The following FBXW8 variants were observed in gnomAD, a reference collection of about 807,000 sequenced individuals.
FBXW8 encodes F-box and WD repeat domain containing 8.
Under a neutral mutation model 65.3 loss-of-function variants are expected in FBXW8, and 57 were observed. The ratio of observed to expected loss-of-function variants is 0.87; its 90% CI spans 0.71 to 1.09. The LOEUF is 1.09. Among genes scored for constraint, FBXW8 ranks in the 50% least tolerant of loss-of-function variants. The pLI is 0.00. For synonymous variants in FBXW8, 308 were observed against 330.2 expected (o/e 0.93, Z 0.73); for missense variants, 777 against 814.8 (o/e 0.95, Z 0.57).
intron 4 of FBXW8, among the ~76,000 whole-genome samples, chr12:116,955,045 G>GGA (rs1883553753): frequency 6.6e-6 from 1 of 151,162 alleles, no homozygotes; most frequent in South Asian, 2.1e-4. Context: ...ATGGGGGGGG[G>GGA]GGGCCCTGTA....
In FBXW8 at chr12:117,028,264, A is replaced by T; in HGVS notation, c.*92A>T. The T allele has an allele frequency of 6.7e-7, 1 of 1,493,714 alleles. No individual in the cohort carries two copies. Among genetic ancestry groups the T allele is most frequent in the Admixed American group, 1.9e-5 (1 of 52,924 alleles). The allele number at this position is 1,493,714 out of a possible 1,614,324, so 92.5% of individuals were successfully genotyped here. ...AGGCACCTCTTCACAGGTGGTAAAC[A>T]TTTAGGGGAAGAAAGCAGCCCAGGG... On this transcript the variant is annotated 3_prime_UTR_variant, in exon 11 of 11. Transcript: ENST00000652555. This position sits in a 1 kb window ranked among gnomAD's most constrained non-coding sequence, Gnocchi z 4.1.
intron 6 of FBXW8, chr12:116,986,092 A>G (rs1308626401): frequency 2.0e-5 from 3 of 152,240 alleles, no homozygotes; most frequent in African/African-American, 7.2e-5. Flanking sequence ...AATTTAAACA[A>G]ACTTGATTTT....
chr12:117,027,955 CACAG>C, intron 10 of FBXW8, 69 bp from the exon 11 acceptor site: 2 of 1,596,046 alleles, frequency 1.3e-6, no homozygotes, highest in Non-Finnish European at 1.7e-6. Context: ...ACGCCTCCTG[CACAG>C]ACAGAAGCGG....
intron 7 of FBXW8, among the ~76,000 whole-genome samples, chr12:116,991,145 C>T (rs1953230553): frequency 6.6e-6 from 1 of 150,390 alleles, no homozygotes; most frequent in Non-Finnish European, 1.5e-5. Flanking sequence ...AGCATAGCAC[C>T]AACCCTCCAA....
intron 5 of FBXW8, chr12:116,977,402 C>T (rs979918327): frequency 1.3e-5 from 2 of 152,048 alleles, no homozygotes; most frequent in Non-Finnish European, 1.5e-5. Flanking sequence ...CACAAATTAA[C>T]GTATTTTTAC....
intron 3 of FBXW8, among the ~76,000 whole-genome samples, chr12:116,947,365 T>C (rs1040765758): frequency 2.6e-5 from 4 of 152,116 alleles, no homozygotes; most frequent in African/African-American, 9.7e-5. Flanking sequence ...AGGAGAATTC[T>C]AGGAGTGAAA....
At chr12:117,017,148 T>C (rs542717422) in intron 8 of FBXW8, among the ~76,000 whole-genome samples, 1 of 152,394 alleles carries the variant, frequency 6.6e-6, no homozygotes, top group South Asian at 2.1e-4. Flanking sequence ...GAAATACTCA[T>C]GACTTAGTTA....
intron 8 of FBXW8, among the ~76,000 whole-genome samples, chr12:117,018,469 C>T (rs1466482732): frequency 3.3e-5 from 5 of 152,318 alleles, no homozygotes; most frequent in African/African-American, 9.6e-5. Flanking sequence ...TGACGACGGG[C>T]TTTGCCAAGG....
chr12:116,938,624 G>A (rs1882327521), intron 2 of FBXW8, among the ~76,000 whole-genome samples: 1 of 152,190 alleles, frequency 6.6e-6, no homozygotes, highest in Admixed American at 6.5e-5. Flanking sequence ...CCATTGAAAA[G>A]TTTCCATTTT....
At chr12:117,008,194 C>T (rs1414292612) in intron 7 of FBXW8, among the ~76,000 whole-genome samples, 2 of 152,218 alleles carry the variant, frequency 1.3e-5, no homozygotes, top group South Asian at 2.1e-4. Context: ...CATCAACATT[C>T]TACCGACTTA....
At chr12:116,950,026 A>G (rs1883176866) in intron 4 of FBXW8, 1 of 287,660 alleles carries the variant, frequency 3.5e-6, no homozygotes, top group Non-Finnish European at 6.7e-6. Context: ...ATGAAGACAT[A>G]AAAAAGTCAA....
intron 2 of FBXW8, among the ~76,000 whole-genome samples, chr12:116,942,390 T>C (rs975399794): frequency 6.6e-6 from 1 of 150,804 alleles, no homozygotes; most frequent in Non-Finnish European, 1.5e-5. Flanking sequence ...TTTTTTTTTT[T>C]CCGAGACAGA....
chr12:116,916,483 C>T (rs542564516), intron 1 of FBXW8, among the ~76,000 whole-genome samples: 1 of 152,208 alleles, frequency 6.6e-6, no homozygotes, highest in Admixed American at 6.5e-5. Context: ...ATAACCACTG[C>T]CCCCATTAGC....
intron 2 of FBXW8, among the ~76,000 whole-genome samples, chr12:116,944,337 C>T (rs1169876539): frequency 6.6e-6 from 1 of 152,080 alleles, no homozygotes; most frequent in Non-Finnish European, 1.5e-5. Context: ...CAAACTAACT[C>T]TCTGTCAGTG....
Position 116,936,807 on chromosome 12 carries a change from GAGGACTC to G in FBXW8, c.424-8552_424-8546del, listed in dbSNP as rs1196935649. 6.6e-6 allele frequency among the ~76,000 whole-genome samples: 1 copy of G among 152,158 alleles called. No homozygotes were observed. Among genetic ancestry groups the G allele is most frequent in the African/African-American group, 2.4e-5 (1 of 41,432 alleles). ...GGTGAGCAGAAGGATAAGAGGAGGA[GAGGACTC>G]AGGATGTGATAAGCGTTTAATCCAT... On this transcript the variant is annotated intron_variant, in intron 2 of 10. Transcript: ENST00000652555. The surrounding 1 kb of genome is among the most constrained non-coding windows in gnomAD (Gnocchi z 4.6).
intron 4 of FBXW8, among the ~76,000 whole-genome samples, chr12:116,962,615 C>T (rs1355018598): frequency 6.6e-6 from 1 of 152,216 alleles, no homozygotes; most frequent in African/African-American, 2.4e-5. Context: ...TTTTTCTGAA[C>T]GTGCCTTACT....
At position 117,028,372 on chromosome 12, in the gene FBXW8, G is replaced by T; in HGVS notation, c.*200G>T. 1.5e-6 allele frequency: 1 copy of T among 649,706 alleles called. No homozygotes were observed. The highest frequency in any genetic ancestry group is 2.6e-6 in the Non-Finnish European group (1 of 387,014). The allele number at this position is 649,706 out of a possible 1,614,324, so 40.2% of individuals were successfully genotyped here. The stretch of plus-strand genomic sequence containing the variant: ...CAAGCTGGCGTGTGCCAGGGCTCGA[G>T]TCCCACGTGCTGCCAACTCAAACAT... On this transcript the variant is annotated 3_prime_UTR_variant, in exon 11 of 11. Coordinates refer to ENST00000652555, the MANE Select transcript of FBXW8 (RefSeq NM_153348.3). The surrounding 1 kb of genome is among the most constrained non-coding windows in gnomAD (Gnocchi z 4.1).
intron 8 of FBXW8, among the ~76,000 whole-genome samples, chr12:117,019,700 C>T (rs988685587): frequency 6.6e-6 from 1 of 152,122 alleles, no homozygotes; most frequent in Non-Finnish European, 1.5e-5. Context: ...AGAATGCCCG[C>T]GCATCCACCT....
At chr12:116,970,895 C>A (rs1454186194) in intron 5 of FBXW8, among the ~76,000 whole-genome samples, 1 of 152,134 alleles carries the variant, frequency 6.6e-6, no homozygotes, top group African/African-American at 2.4e-5. Flanking sequence ...TGCCTACTCA[C>A]CCTTAGGTCC....
Sources: allele counts gnomAD v4.1 joint callset (sites outside exome capture counted in the v4.1 genomes callset), GRCh38; gene constraint gnomAD v4.1.1; non-coding constraint Gnocchi (gnomAD v3.1); transcripts MANE v1.5; gene names NCBI Gene and HGNC (gene_info 2026-07-23, HGNC 2026-07-21).